ZNF541: variants seen among roughly 807,000 people sequenced by gnomAD.
The protein encoded by ZNF541 is zinc finger protein 541.
ZNF541 carries 23 observed loss-of-function variants against 123.5 expected under a neutral mutation model. That is an observed-to-expected ratio of 0.19 (90% CI 0.13 to 0.26). The LOEUF (loss-of-function observed/expected upper bound fraction) is 0.26, where lower values mean the gene tolerates loss of function less well. Ranked by LOEUF, ZNF541 falls within the 10% of genes least tolerant of loss-of-function variation. The pLI is 1.00. For synonymous variants in ZNF541, 751 were observed against 754.5 expected (o/e 1.00, Z 0.08); for missense variants, 1,612 against 1,789.9 (o/e 0.90, Z 1.79).
chr19:47,563,975 T>C (rs1479240391), intron 2 of ZNF541, among the ~76,000 whole-genome samples: 1 of 152,172 alleles, frequency 6.6e-6, no homozygotes, highest in Non-Finnish European at 1.5e-5. Context: ...TGCATTAACT[T>C]ACTTCTCACA....
chr19:47,521,640 AGGGCTGCATG>A lies in ZNF541; in HGVS notation c.3716_3725del (p.Pro1239LeufsTer13). 1 of 1,551,644 alleles carries A rather than the reference AGGGCTGCATG, an allele frequency of 6.4e-7. No homozygotes were observed. The highest frequency in any genetic ancestry group is 1.2e-5 in the South Asian group (1 of 84,062). ...TTGGATGGTGGCTGGGTCTCTCCCGAGGGCTGCATGGGACCTGCAGAGGGAGCAAAAGTGA... is the reference window on the plus strand; with the variant it reads ...TTGGATGGTGGCTGGGTCTCTCCCGAGGACCTGCAGAGGGAGCAAAAGTGA... On this transcript the variant is annotated frameshift_variant, in exon 16 of 17. Coordinates refer to ENST00000391901, the MANE Select transcript of ZNF541 (RefSeq NM_001277075.3). LOFTEE classifies it high-confidence loss of function. This position sits in a 1 kb window ranked among gnomAD's most constrained non-coding sequence, Gnocchi z 4.2.
At chr19:47,529,060 A>AG (rs1220634894) in intron 13 of ZNF541, 22 bp from the exon 14 acceptor site, 1 of 1,532,120 alleles carries the variant, frequency 6.5e-7, no homozygotes, top group South Asian at 1.2e-5. Context: ...CACAGCCAAC[A>AG]GGGGGAAGGC....
chr19:47,525,258 C>T (rs1457406015), intron 14 of ZNF541, among the ~76,000 whole-genome samples: 3 of 151,282 alleles, frequency 2.0e-5, no homozygotes, highest in Non-Finnish European at 4.4e-5. Flanking sequence ...GCACTCCAGC[C>T]TGGGCAACGA....
intron 2 of ZNF541, among the ~76,000 whole-genome samples, chr19:47,560,124 C>G (rs1186396373): frequency 1.3e-5 from 2 of 152,084 alleles, no homozygotes; most frequent in Non-Finnish European, 1.5e-5. Flanking sequence ...CTCTGGGGTG[C>G]AGAGTGGCTA....
chr19:47,526,752 C>T (rs1175033355), intron 14 of ZNF541, among the ~76,000 whole-genome samples: 1 of 152,282 alleles, frequency 6.6e-6, no homozygotes, highest in Admixed American at 6.5e-5. Context: ...TGAAATGATA[C>T]AACTACTTTG....
intron 3 of ZNF541, among the ~76,000 whole-genome samples, chr19:47,551,691 C>A (rs1335110312): frequency 6.6e-6 from 1 of 150,480 alleles, no homozygotes; most frequent in Non-Finnish European, 1.5e-5. Flanking sequence ...ACCACCCCAG[C>A]TGATTTTTAA....
At chr19:47,530,946 T>C (rs917435540) in intron 12 of ZNF541, among the ~76,000 whole-genome samples, 1 of 152,074 alleles carries the variant, frequency 6.6e-6, no homozygotes, top group Non-Finnish European at 1.5e-5. Flanking sequence ...CCACCGCGCC[T>C]GGCCAAGAAT....
chr19:47,572,217 T>C (rs1971500066), intron 1 of ZNF541, among the ~76,000 whole-genome samples, 175 bp from the exon 2 acceptor site: 1 of 152,174 alleles, frequency 6.6e-6, no homozygotes, highest in South Asian at 2.1e-4. Flanking sequence ...AAATAATTGT[T>C]CCTTCTTTCC....
intron 2 of ZNF541, among the ~76,000 whole-genome samples, chr19:47,567,037 C>A (rs530608158): frequency 6.6e-6 from 1 of 151,136 alleles, no homozygotes; most frequent in Non-Finnish European, 1.5e-5. Flanking sequence ...GGCCACAGAG[C>A]GAGACTCCAT....
intron 2 of ZNF541, among the ~76,000 whole-genome samples, chr19:47,562,272 G>C (rs1031506829): frequency 1.4e-5 from 2 of 147,974 alleles, no homozygotes; most frequent in African/African-American, 2.5e-5. Flanking sequence ...GGCCAGGCGC[G>C]CTGGCTCATG....
chr19:47,529,138 G>T, intron 13 of ZNF541, 100 bp from the exon 14 acceptor site: 1 of 863,446 alleles, frequency 1.2e-6, no homozygotes, highest in Non-Finnish European at 1.8e-6. Flanking sequence ...TGCCATTACT[G>T]AGTACCAATT....
In ZNF541 at chr19:47,545,018, A is replaced by G; in HGVS notation, c.1511T>C (p.Val504Ala). 2.0e-6 allele frequency: 3 copies of G among 1,505,648 alleles called. No individual in the cohort carries two copies. The highest frequency in any genetic ancestry group is 2.6e-6 in the Non-Finnish European group (3 of 1,132,502). 93.3% of individuals were successfully genotyped at this position (1,505,648 alleles called of 1,614,324 possible). ...GEDDPCAPKK[V>A]KVDCDSFLCQ... ...CAGGAAGGAGTCGCAGTCGACCTTGACCTTCTTGGGGGCGCAGGGGTCATC... is the reference window on the plus strand; with the variant it reads ...CAGGAAGGAGTCGCAGTCGACCTTGGCCTTCTTGGGGGCGCAGGGGTCATC... The change falls in exon 5 of 17, where the codon GTC becomes GCC. Residue 504 changes from valine (V) to alanine (A), a missense_variant. By Grantham distance (64) the Val-to-Ala change is moderately conservative. Transcript: ENST00000391901. The surrounding 1 kb of genome is among the most constrained non-coding windows in gnomAD (Gnocchi z 7.5).
At position 47,521,543 on chromosome 19, in the gene ZNF541, G is replaced by A. The variant is rs778519631; in HGVS notation, c.3823C>T (p.Arg1275Trp). 14 of 1,551,492 alleles carry A rather than the reference G, an allele frequency of 9.0e-6. No homozygotes were observed. In the East Asian group the frequency reaches 9.8e-5, roughly 11 times the overall value. Residue 1275 changes from arginine to tryptophan, a missense_variant, in exon 16 of 17, where the codon CGG (arginine) becomes TGG (tryptophan). Physicochemically the swap from Arg to Trp is moderately radical, Grantham distance 101. Transcript: ENST00000391901. The surrounding 1 kb of genome is among the most constrained non-coding windows in gnomAD (Gnocchi z 4.2). Reference protein sequence around the residue: ...LSSSPNAGSKRTPELLGSAES... With the variant: ...LSSSPNAGSKWTPELLGSAES... ...GCACTTCCCAACAGCTCGGGGGTCC[G>A]CTTGGAGCCTGCATTTGGGCTGGAG...
chr19:47,556,889 C>T (rs1332917394), intron 2 of ZNF541, among the ~76,000 whole-genome samples: 1 of 151,388 alleles, frequency 6.6e-6, no homozygotes, highest in East Asian at 1.9e-4. Flanking sequence ...TCCCAAGTAG[C>T]TGGGACTACA....
chr19:47,571,698 A>G (rs1971483116), intron 2 of ZNF541, among the ~76,000 whole-genome samples, 198 bp downstream of exon 2: 1 of 151,724 alleles, frequency 6.6e-6, no homozygotes, highest in African/African-American at 2.4e-5. Flanking sequence ...ACACACATCA[A>G]TCTATGTCTG....
chr19:47,528,853 G>T (rs1295568994), intron 14 of ZNF541, 97 bp downstream of exon 14: 1 of 888,470 alleles, frequency 1.1e-6, no homozygotes, highest in South Asian at 1.5e-5. Context: ...ACAGGCAGGT[G>T]AGGGTGGGGC....
Position 47,544,244 on chromosome 19 carries a change from G to A in ZNF541, c.2285C>T (p.Ala762Val), listed in dbSNP as rs1050434065. 4 of 1,551,476 alleles carry A rather than the reference G, an allele frequency of 2.6e-6. No homozygotes were observed. Among genetic ancestry groups the A allele is most frequent in the Admixed American group, 2.0e-5 (1 of 50,980 alleles). ...AGCCGCACAGCACATATCCATCTTC[G>A]CCTTCTCTTTCCGGAAGCCGGAGAA... ...PRFSGFRKEK[A>V]KMDMCCAASP... The change falls in exon 5 of 17, where the codon GCG becomes GTG. Residue 762 changes from alanine (A) to valine (V), a missense_variant. This residue lies in a region of ZNF541 where 1,080 missense variants were observed against 1,013.8 expected (regional missense o/e 1.07). Coordinates refer to ENST00000391901, the MANE Select transcript of ZNF541 (RefSeq NM_001277075.3).
Position 47,521,608 on chromosome 19 carries a change from T to C in ZNF541, c.3758A>G (p.Lys1253Arg), listed in dbSNP as rs79514292. The change falls in exon 16 of 17, where the codon AAG becomes AGG. Residue 1253 changes from lysine to arginine, a missense_variant. Lys to Arg is a conservative substitution (Grantham distance 26). Around this residue, in one of 5 missense-constraint regions of ZNF541, gnomAD observed 285 missense variants for 407.3 expected, o/e 0.70. Coordinates refer to ENST00000391901, the MANE Select transcript of ZNF541 (RefSeq NM_001277075.3). The surrounding 1 kb of genome is among the most constrained non-coding windows in gnomAD (Gnocchi z 4.2). ...CCTCCTATAACTCTTGGTCTTTAAC[T>C]TGGGAGTTGGATGGTGGCTGGGTCT... ...RERPSHHPTP[K>R]LKTKSYRRES... The C allele has an allele frequency of 1.3e-6, 2 of 1,551,696 alleles. No individual in the cohort carries two copies. The highest frequency in any genetic ancestry group is 2.4e-5 in the East Asian group (1 of 40,920).
intron 14 of ZNF541, among the ~76,000 whole-genome samples, chr19:47,528,412 G>A (rs1375507427): frequency 6.6e-6 from 1 of 150,524 alleles, no homozygotes; most frequent in Non-Finnish European, 1.5e-5. Context: ...TGCCTCCCGG[G>A]TTCAAACGAT....
Sources: gnomAD v4.1 joint callset for allele counts (sites outside exome capture counted in the v4.1 genomes callset) on GRCh38, gnomAD v4.1.1 for gene constraint, gnomAD v4.1.1 regional missense constraint, Gnocchi (gnomAD v3.1) non-coding constraint, MANE v1.5 for transcripts, NCBI Gene and HGNC (gene_info 2026-07-23, HGNC 2026-07-21) for gene names.